NSD2: variants seen among roughly 807,000 people sequenced by gnomAD.
NSD2 encodes the protein histone-lysine N-methyltransferase NSD2.
Under a neutral mutation model 139.0 loss-of-function variants are expected in NSD2, and 12 were observed. The observed-to-expected ratio is 0.09, with a 90% CI of 0.06 to 0.14. NSD2 has a LOEUF of 0.14. Among genes scored for constraint, NSD2 ranks in the 10% least tolerant of loss-of-function variants. NSD2 has a pLI of 1.00. For missense variants in NSD2, 1,155 were observed against 1,745.0 expected, an observed-to-expected ratio of 0.66 and a Z score of 6.02; for synonymous variants, 669 against 648.7, an observed-to-expected ratio of 1.03 and a Z score of -0.48.
At position 1,952,164 on chromosome 4, in the gene NSD2, C is replaced by T. The variant is rs752766057; in HGVS notation, c.2070C>T (p.Phe690=). The T allele has an allele frequency of 1.9e-6, 3 of 1,614,032 alleles. No individual in the cohort carries two copies. Among genetic ancestry groups the T allele is most frequent in the Non-Finnish European group, 2.5e-6 (3 of 1,180,034 alleles). Residue 690 remains phenylalanine, a synonymous_variant, in exon 11 of 22, where the codon TTC becomes TTT. Transcript: ENST00000508803. ...LLCEGPCCGA[F]HLACLGLSRR... ...GTGAAGGACCCTGCTGCGGAGCTTTCCACCTCGCCTGCCTTGGGCTTTCCC... is the reference window on the plus strand; with the variant it reads ...GTGAAGGACCCTGCTGCGGAGCTTTTCACCTCGCCTGCCTTGGGCTTTCCC...
At chr4:1,970,410 G>A (rs1726334767) in intron 18 of NSD2, among the ~76,000 whole-genome samples, 1 of 152,200 alleles carries the variant, frequency 6.6e-6, no homozygotes, top group South Asian at 2.1e-4. Context: ...AGAATTAAAG[G>A]AACATGTCCT....
At chr4:1,899,488 G>A (rs114728242) in intron 1 of NSD2, 1,846 of 152,350 alleles carry the variant, frequency 0.012, 38 homozygotes, top group African/African-American at 0.042. Context: ...TTTGAGAACC[G>A]CTGTTCTAGT....
intron 9 of NSD2, among the ~76,000 whole-genome samples, chr4:1,950,810 A>G (rs1320289655): frequency 6.6e-6 from 1 of 152,262 alleles, no homozygotes. Flanking sequence ...TTTAAGGAAT[A>G]TGCCTCTTAT....
chr4:1,913,952 C>T (rs28620559), intron 3 of NSD2, among the ~76,000 whole-genome samples: 1,808 of 152,204 alleles, frequency 0.012, 39 homozygotes, highest in African/African-American at 0.041. Flanking sequence ...TTCTTTTTTC[C>T]TGGAGGCTAT....
intron 5 of NSD2, among the ~76,000 whole-genome samples, chr4:1,925,117 C>G (rs1334712418): frequency 6.6e-6 from 1 of 152,156 alleles, no homozygotes; most frequent in Non-Finnish European, 1.5e-5. Context: ...CTGTAATAAG[C>G]AATTCTAAAC....
chr4:1,875,893 C>T (rs1348777719), intron 1 of NSD2, among the ~76,000 whole-genome samples: 3 of 135,656 alleles, frequency 2.2e-5, no homozygotes, highest in Non-Finnish European at 4.7e-5. Flanking sequence ...TGGGAGACAG[C>T]GAGACTCCAT....
At position 1,974,638 on chromosome 4, in the gene NSD2, G is replaced by A. The variant is rs375016434; in HGVS notation, c.3373-225G>A. 28 of 711,630 alleles carry A rather than the reference G, an allele frequency of 3.9e-5. No individual in the cohort carries two copies. Among genetic ancestry groups the A allele is most frequent in the African/African-American group, 7.0e-5 (4 of 57,532 alleles). 44.1% of individuals were successfully genotyped at this position (711,630 alleles called of 1,614,324 possible). ...AGCTCCCTGTCCTGTCCTCCCCGGC[G>A]CTCACTAAGGCTCGGTCCTCTCCAC... is the stretch of plus-strand genomic sequence containing the variant. On this transcript the variant is annotated intron_variant, in intron 18 of 21. Coordinates refer to ENST00000508803, the MANE Select transcript of NSD2 (RefSeq NM_001042424.3). The surrounding 1 kb of genome is among the most constrained non-coding windows in gnomAD (Gnocchi z 4.0).
Position 1,981,387 on chromosome 4 carries a change from G to C in NSD2, c.*2478G>C, listed in dbSNP as rs1295001089. On this transcript the variant is annotated 3_prime_UTR_variant, in exon 22 of 22. Transcript: ENST00000508803. ...TGTGGCTGGCTCTCGGCCCTGCCCA[G>C]CTTTGTTCTGAGGACGTGGTGACTT... 4.3e-6 allele frequency: 1 copy of C among 233,418 alleles called. No individual in the cohort carries two copies. Among genetic ancestry groups the C allele is most frequent in the Non-Finnish European group, 8.5e-6 (1 of 118,234 alleles). 14.5% of individuals were successfully genotyped at this position (233,418 alleles called of 1,614,324 possible).
At position 1,913,905 on chromosome 4, in the gene NSD2, C is replaced by T. The variant is rs370361450; in HGVS notation, c.761-2966C>T. The stretch of plus-strand genomic sequence containing the variant: ...ACCCACAGGCCCTGTAGGGCTGATC[C>T]CTACAGTTCTATGCTGTGTTCTTTC... On this transcript the variant is annotated intron_variant, in intron 3 of 21. Coordinates refer to ENST00000508803, the MANE Select transcript of NSD2 (RefSeq NM_001042424.3). 3.5e-4 allele frequency among the ~76,000 whole-genome samples: 54 copies of T among 152,306 alleles called. No homozygotes were observed. The Middle Eastern group carries it at 0.01, about 29-fold the overall frequency.
chr4:1,901,275 G>T, intron 2 of NSD2, 24 bp downstream of exon 2: 5 of 1,536,792 alleles, frequency 3.3e-6, no homozygotes, highest in Non-Finnish European at 4.4e-6. Context: ...GTTGTGTAAG[G>T]GGTCATGTGA....
intron 3 of NSD2, 47 bp from the exon 4 acceptor site, chr4:1,916,824 T>G: frequency 6.4e-7 from 1 of 1,567,030 alleles, no homozygotes; most frequent in Non-Finnish European, 8.7e-7. Flanking sequence ...ACTAGTTTCA[T>G]CCCAGATTCT....
chr4:1,882,301 C>T (rs1024731586), intron 1 of NSD2, among the ~76,000 whole-genome samples: 10 of 152,294 alleles, frequency 6.6e-5, no homozygotes, highest in East Asian at 1.9e-4. Flanking sequence ...CGCTGAGACA[C>T]GTGCTTTATC....
intron 1 of NSD2, among the ~76,000 whole-genome samples, chr4:1,879,824 T>TTG (rs140755867): frequency 0.11 from 16,093 of 144,020 alleles, 1,021 homozygotes; most frequent in African/African-American, 0.19. Flanking sequence ...CCCATGGCAC[T>TTG]TGTGTGTGTG....
chr4:1,981,803 T>TGTCA lies in NSD2; in HGVS notation c.*2897_*2900dup, dbSNP rs547032846. ...TATAATTCAAGTTAATGCAAATGACTGTCAGTTGCCAAATATCTTGATCCT... is the reference window on the plus strand; with the variant it reads ...TATAATTCAAGTTAATGCAAATGACTGTCAGTCAGTTGCCAAATATCTTGATCCT... On this transcript the variant is annotated 3_prime_UTR_variant, in exon 22 of 22. Coordinates refer to ENST00000508803, the MANE Select transcript of NSD2 (RefSeq NM_001042424.3). The TGTCA allele has an allele frequency of 3.3e-5, 13 of 398,664 alleles. No individual in the cohort carries two copies. Among genetic ancestry groups the TGTCA allele is most frequent in the South Asian group, 1.3e-4 (1 of 7,858 alleles). 24.7% of individuals were successfully genotyped at this position (398,664 alleles called of 1,614,324 possible).
At chr4:1,949,520 T>C (rs1432559334) in intron 9 of NSD2, among the ~76,000 whole-genome samples, 2 of 152,156 alleles carry the variant, frequency 1.3e-5, no homozygotes, top group Non-Finnish European at 2.9e-5. Context: ...CCCAGCACTT[T>C]GGGAGGCCAA....
chr4:1,976,337 A>ACACTC lies in NSD2; in HGVS notation c.3622-136_3622-132dup. The ACACTC allele has an allele frequency of 2.2e-6, 2 of 892,816 alleles. No homozygotes were observed. Among genetic ancestry groups the ACACTC allele is most frequent in the Non-Finnish European group, 3.4e-6 (2 of 580,792 alleles). 55.3% of individuals were successfully genotyped at this position (892,816 alleles called of 1,614,324 possible). A position where few individuals can be genotyped will look rare whatever the true frequency, so the allele number is the denominator to read the frequency against. ...AGGATGTCTGGGGAGCACGAGGAGG[A>ACACTC]CACTCCTCTCCTCTCCTCTTAGTGT... is the stretch of plus-strand genomic sequence containing the variant. On this transcript the variant is annotated intron_variant, in intron 20 of 21. Transcript: ENST00000508803. The surrounding 1 kb of genome is among the most constrained non-coding windows in gnomAD (Gnocchi z 5.3).
At chr4:1,971,235 C>A (rs187513553) in intron 18 of NSD2, among the ~76,000 whole-genome samples, 1 of 152,132 alleles carries the variant, frequency 6.6e-6, no homozygotes, top group African/African-American at 2.4e-5. Context: ...AAGGTGAAGT[C>A]GAAGAAAGGA....
intron 16 of NSD2, 128 bp from the exon 17 acceptor site, chr4:1,959,343 C>A: frequency 9.4e-7 from 1 of 1,060,324 alleles, no homozygotes; most frequent in Non-Finnish European, 1.4e-6. Context: ...GTAGTGTGTC[C>A]TAGCCAGGAC....
At chr4:1,933,081 G>A (rs1721865469) in intron 6 of NSD2, among the ~76,000 whole-genome samples, 1 of 152,160 alleles carries the variant, frequency 6.6e-6, no homozygotes, top group African/African-American at 2.4e-5. Context: ...AGCCTGCAGT[G>A]GTGTGGCCAG....
Sources: allele counts gnomAD v4.1 joint callset (sites outside exome capture counted in the v4.1 genomes callset), GRCh38; gene constraint gnomAD v4.1.1; non-coding constraint Gnocchi (gnomAD v3.1); transcripts MANE v1.5; gene names NCBI Gene and HGNC (gene_info 2026-07-23, HGNC 2026-07-21).